The following C2CD5 variants were observed in gnomAD, a reference collection of about 807,000 sequenced individuals.
C2CD5 encodes C2 domain-containing protein 5.
C2CD5 carries 109 observed loss-of-function variants against 130.3 expected under a neutral mutation model. The ratio of observed to expected loss-of-function variants is 0.84; its 90% confidence interval spans 0.72 to 0.98. The LOEUF (loss-of-function observed/expected upper bound fraction) is 0.98. C2CD5 is among the 50% of genes least tolerant of loss of function. The pLI is 0.00. For missense variants in C2CD5, 996 were observed against 1,261.8 expected (o/e 0.79, Z 3.19); for synonymous variants, 454 against 429.2 (o/e 1.06, Z -0.71).
Position 22,472,055 on chromosome 12 carries a change from GAAGTGAACATCTA to G in C2CD5, c.2170-3_2179del. ...GCTGCTTAATCTGATTACTCTTACT[GAAGTGAACATCTA>G]AATGTGGGGTGACATAACATGTCAT... is the stretch of plus-strand genomic sequence containing the variant. On this transcript the variant is annotated splice_acceptor_variant and splice_polypyrimidine_tract_variant and coding_sequence_variant and intron_variant, in exon 19 of 27. Transcript: ENST00000446597. LOFTEE classifies it high-confidence loss of function. 1 of 1,556,492 alleles carries G rather than the reference GAAGTGAACATCTA, an allele frequency of 6.4e-7. No homozygotes were observed. Among genetic ancestry groups the G allele is most frequent in the South Asian group, 1.1e-5 (1 of 87,244 alleles).
At chr12:22,513,478 T>C in intron 8 of C2CD5, 99 bp from the exon 9 acceptor site, 1 of 787,930 alleles carries the variant, frequency 1.3e-6, no homozygotes, top group Non-Finnish European at 2.3e-6. Flanking sequence ...TGAAATGTGA[T>C]AAAATGATCG....
At chr12:22,529,044 T>C (rs1345595738) in intron 3 of C2CD5, among the ~76,000 whole-genome samples, 1 of 152,146 alleles carries the variant, frequency 6.6e-6, no homozygotes, top group Non-Finnish European at 1.5e-5. Flanking sequence ...TCATATAACA[T>C]CTCAAATTTG....
intron 12 of C2CD5, among the ~76,000 whole-genome samples, chr12:22,486,358 A>C (rs1945517553): frequency 6.6e-6 from 1 of 152,178 alleles, no homozygotes; most frequent in African/African-American, 2.4e-5. Flanking sequence ...CTAGAGGTGA[A>C]GCTTTAATCC....
chr12:22,526,863 C>T (rs1427224662), intron 4 of C2CD5, among the ~76,000 whole-genome samples: 2 of 152,174 alleles, frequency 1.3e-5, no homozygotes, highest in Non-Finnish European at 2.9e-5. Flanking sequence ...AGAAAACTGA[C>T]TCAATAATTT....
At chr12:22,451,340 T>C (rs1202784044) in intron 26 of C2CD5, among the ~76,000 whole-genome samples, 1 of 152,158 alleles carries the variant, frequency 6.6e-6, no homozygotes, top group Admixed American at 6.6e-5. Flanking sequence ...ACAGGCCCAC[T>C]GAGGCTTCAA....
intron 24 of C2CD5, 38 bp from the exon 25 acceptor site, chr12:22,457,199 A>G: frequency 7.1e-7 from 1 of 1,404,522 alleles, no homozygotes; most frequent in East Asian, 2.4e-5. Flanking sequence ...TTCAGAACAG[A>G]CGCTGGTAAC....
chr12:22,484,859 C>A lies in C2CD5; in HGVS notation c.1388G>T (p.Gly463Val). The change falls in exon 13 of 27, where the codon GGA (glycine) becomes GTA (valine). Residue 463 changes from glycine (G) to valine (V), a missense_variant. Gly to Val is a moderately radical substitution (Grantham distance 109). This residue lies in a region of C2CD5 where 590 missense variants were observed against 631.4 expected (regional missense o/e 0.93). Coordinates refer to ENST00000446597, the MANE Select transcript of C2CD5 (RefSeq NM_001286176.2). ...TTCATCATATGGTATATGACAAAAT[C>A]CACAACGTGTAGGCAAATTTTCTTC... ...RLEENLPTRC[G>V]FCHIPYDELN... is the part of the protein sequence containing the mutation. The A allele has an allele frequency of 6.4e-7, 1 of 1,561,260 alleles. No homozygotes were observed. Among genetic ancestry groups the A allele is most frequent in the Non-Finnish European group, 8.7e-7 (1 of 1,155,270 alleles).
At chr12:22,458,197 T>G (rs1233313367) in intron 24 of C2CD5, among the ~76,000 whole-genome samples, 1 of 152,026 alleles carries the variant, frequency 6.6e-6, no homozygotes, top group Non-Finnish European at 1.5e-5. Flanking sequence ...AATAAGAGAG[T>G]TGGCAATTTA....
rs554085471 is a variant in C2CD5, at chr12:22,478,235, T to A, written c.1902+78A>T. On this transcript the variant is annotated intron_variant, in intron 15 of 26. Coordinates refer to ENST00000446597, the MANE Select transcript of C2CD5 (RefSeq NM_001286176.2). ...GCTAAACAGTGAAAAAAAAATCTTG[T>A]GTCCTCAATAAGATAACCTAAAAAT... 372 of 1,191,182 alleles carry A rather than the reference T, an allele frequency of 3.1e-4. No homozygotes were observed. In the African/African-American group the frequency reaches 5.1e-3, roughly 16 times the overall value. The allele number at this position is 1,191,182 out of a possible 1,614,324, so 73.8% of individuals were successfully genotyped here.
At chr12:22,486,197 A>C (rs1945479661) in intron 12 of C2CD5, among the ~76,000 whole-genome samples, 7 of 151,918 alleles carry the variant, frequency 4.6e-5, no homozygotes, top group Middle Eastern at 3.4e-3. Flanking sequence ...AAAAAAAAAA[A>C]AAAAAAACAC....
chr12:22,470,489 A>G (rs976674858), intron 21 of C2CD5, among the ~76,000 whole-genome samples: 2 of 152,120 alleles, frequency 1.3e-5, no homozygotes, highest in African/African-American at 2.4e-5. Context: ...TGCTTACTAC[A>G]TCAGTAGGTC....
At chr12:22,487,048 ATTAAT>A (rs1205195878) in intron 12 of C2CD5, among the ~76,000 whole-genome samples, 1 of 152,202 alleles carries the variant, frequency 6.6e-6, no homozygotes, top group Non-Finnish European at 1.5e-5. Context: ...TTATACAAAA[ATTAAT>A]TTAAGATGGA....
At chr12:22,489,166 G>A (rs1036723473) in intron 12 of C2CD5, among the ~76,000 whole-genome samples, 3 of 151,788 alleles carry the variant, frequency 2.0e-5, no homozygotes, top group South Asian at 2.1e-4. Flanking sequence ...GTGAGCCACC[G>A]CACTTGGCCT....
intron 22 of C2CD5, among the ~76,000 whole-genome samples, chr12:22,466,304 TAAA>T (rs58702536): frequency 1.4e-5 from 2 of 141,520 alleles, no homozygotes; most frequent in African/African-American, 2.5e-5. Flanking sequence ...TTACTGAAAG[TAAA>T]AAAAAAAAAG....
intron 14 of C2CD5, among the ~76,000 whole-genome samples, chr12:22,481,649 CTTTTTTTTTTTTT>C (rs34990025): frequency 8.6e-6 from 1 of 116,448 alleles, no homozygotes; most frequent in South Asian, 3.0e-4. Context: ...AGAAACACAC[CTTTTTTTTTTTTT>C]TTTTTTTTTT....
At chr12:22,520,023 G>T (rs1591963697) in intron 7 of C2CD5, among the ~76,000 whole-genome samples, 1 of 151,996 alleles carries the variant, frequency 6.6e-6, no homozygotes, top group African/African-American at 2.4e-5. Flanking sequence ...CTATGTGTGT[G>T]TATACTTAGA....
chr12:22,449,736 T>G lies in C2CD5; in HGVS notation c.*24A>C. The G allele has an allele frequency of 6.5e-7, 1 of 1,548,784 alleles. No individual in the cohort carries two copies. The stretch of plus-strand genomic sequence containing the variant: ...CAGAGATTGATGAATTTCATTTAGT[T>G]GAGCTCTTTTTTCCTAATTTTCCTC... On this transcript the variant is annotated 3_prime_UTR_variant, in exon 27 of 27. Transcript: ENST00000446597.
chr12:22,523,132 T>G (rs1157832017), intron 7 of C2CD5, among the ~76,000 whole-genome samples: 1 of 152,120 alleles, frequency 6.6e-6, no homozygotes, highest in Admixed American at 6.6e-5. Flanking sequence ...GAGGATCACC[T>G]GAGCCTAGAA....
intron 15 of C2CD5, 47 bp from the exon 16 acceptor site, chr12:22,474,938 A>G: frequency 1.5e-6 from 2 of 1,354,292 alleles, no homozygotes; most frequent in Non-Finnish European, 2.0e-6. Flanking sequence ...TGTCTTTTCC[A>G]GTTTAAATTT....
Sources: allele counts gnomAD v4.1 joint callset (sites outside exome capture counted in the v4.1 genomes callset), GRCh38; gene constraint gnomAD v4.1.1; regional missense constraint gnomAD v4.1.1; transcripts MANE v1.5; gene names NCBI Gene and HGNC (gene_info 2026-07-23, HGNC 2026-07-21).